Variants in CLVS1 observed in about 807,000 individuals in gnomAD.
CLVS1 encodes clavesin-1.
In CLVS1, 10 loss-of-function variants were observed where a neutral mutation model predicts 33.1. The observed-to-expected ratio is 0.30, with a 90% CI of 0.19 to 0.51. The LOEUF is 0.51. Ranked by LOEUF, CLVS1 falls within the 20% of genes least tolerant of loss-of-function variation. The probability of loss-of-function intolerance (pLI) is 0.97; values close to 1 mark genes in which losing one functional copy is unlikely to be tolerated. For missense variants in CLVS1, 343 were observed against 433.4 expected (o/e 0.79, Z 1.85); for synonymous variants, 163 against 166.1 (o/e 0.98, Z 0.14).
chr8:61,031,400 A>G, the CLVS1 span, among the ~76,000 whole-genome samples: 1 of 152,094 alleles, frequency 6.6e-6, no homozygotes, highest in African/African-American at 2.4e-5. Flanking sequence ...CCCACCCAAG[A>G]GCTAACCTGC....
chr8:61,221,325 A>C (rs945495435), intron 2 of CLVS1, among the ~76,000 whole-genome samples: 4 of 152,218 alleles, frequency 2.6e-5, no homozygotes, highest in African/African-American at 9.6e-5. Flanking sequence ...TGGGTTTGTC[A>C]TAAATAGATC....
At chr8:61,039,995 G>T in the CLVS1 span, among the ~76,000 whole-genome samples, 3 of 152,048 alleles carry the variant, frequency 2.0e-5, no homozygotes, top group African/African-American at 7.2e-5. Flanking sequence ...GACCCTCTCC[G>T]CCTCACTCCT....
At chr8:61,057,109 C>T (rs1223212581), upstream of CLVS1, 2 of 152,098 alleles carry the variant, frequency 1.3e-5, no homozygotes, top group Admixed American at 1.3e-4. Context: ...CACATGACTG[C>T]CTACTAAGAA....
At chr8:61,442,759 C>G (rs192943735) in intron 3 of CLVS1, among the ~76,000 whole-genome samples, 28 of 152,292 alleles carry the variant, frequency 1.8e-4, no homozygotes, top group African/African-American at 5.3e-4. Flanking sequence ...GCCACCACCC[C>G]TGACTAGTTT....
At chr8:60,984,158 C>G in the CLVS1 span, among the ~76,000 whole-genome samples, 7 of 152,236 alleles carry the variant, frequency 4.6e-5, no homozygotes, top group Non-Finnish European at 5.9e-5. Flanking sequence ...CACTTTCTCC[C>G]TAGGATATCT....
At chr8:61,117,527 T>C (rs1407185029) in intron 1 of CLVS1, among the ~76,000 whole-genome samples, 1 of 150,276 alleles carries the variant, frequency 6.7e-6, no homozygotes. Context: ...ATAGCTCTTA[T>C]TATTTTGAAA....
chr8:61,183,202 T>A (rs1458039208), intron 2 of CLVS1, among the ~76,000 whole-genome samples: 1 of 151,902 alleles, frequency 6.6e-6, no homozygotes, highest in Non-Finnish European at 1.5e-5. Flanking sequence ...AAATAGCTAA[T>A]GCATGAGGGG....
At chr8:61,252,606 T>C (rs1023031338) in intron 2 of CLVS1, among the ~76,000 whole-genome samples, 2 of 152,214 alleles carry the variant, frequency 1.3e-5, no homozygotes, top group African/African-American at 2.4e-5. Context: ...TGCTCCTGTA[T>C]TGGGTGCATA....
chr8:61,405,701 G>A (rs535932957), intron 3 of CLVS1, among the ~76,000 whole-genome samples: 7 of 145,414 alleles, frequency 4.8e-5, no homozygotes, highest in Non-Finnish European at 9.0e-5. Context: ...AAGTGGAACT[G>A]ACTTTTTTTT....
chr8:61,366,257 T>A (rs537037798), intron 2 of CLVS1, among the ~76,000 whole-genome samples: 2 of 152,302 alleles, frequency 1.3e-5, no homozygotes, highest in Non-Finnish European at 2.9e-5. Flanking sequence ...TAAAGTGGTG[T>A]TTGAGGACCA....
intron 4 of CLVS1, among the ~76,000 whole-genome samples, chr8:61,456,047 G>A (rs1817143372): frequency 6.6e-6 from 1 of 152,212 alleles, no homozygotes; most frequent in Non-Finnish European, 1.5e-5. Flanking sequence ...TTCTCAACAT[G>A]GCTTCAGGCT....
intron 2 of CLVS1, among the ~76,000 whole-genome samples, chr8:61,153,101 G>T (rs1230470755): frequency 6.6e-6 from 1 of 152,098 alleles, no homozygotes; most frequent in Non-Finnish European, 1.5e-5. Context: ...GGGTAACAGA[G>T]CGAGACCCTG....
chr8:61,259,882 C>T (rs1262275924), intron 2 of CLVS1, among the ~76,000 whole-genome samples: 1 of 152,186 alleles, frequency 6.6e-6, no homozygotes, highest in Non-Finnish European at 1.5e-5. Context: ...GGCCCCAGCT[C>T]CCCCTGCTGC....
chr8:61,258,971 C>A (rs1038011709), intron 2 of CLVS1, among the ~76,000 whole-genome samples: 2 of 151,988 alleles, frequency 1.3e-5, no homozygotes, highest in Non-Finnish European at 2.9e-5. Context: ...CTAATAGATA[C>A]AAAACATTAA....
intron 1 of CLVS1, among the ~76,000 whole-genome samples, chr8:61,088,809 T>C (rs919956772): frequency 3.1e-5 from 4 of 130,940 alleles, no homozygotes; most frequent in South Asian, 2.1e-4. Flanking sequence ...TTTCTTTTTC[T>C]TTTTTTTTTT....
chr8:61,197,198 G>A (rs1383175254), intron 2 of CLVS1, among the ~76,000 whole-genome samples: 1 of 152,086 alleles, frequency 6.6e-6, no homozygotes, highest in Non-Finnish European at 1.5e-5. Context: ...TTTGATTTTT[G>A]TATATGGTGA....
chr8:61,122,656 A>T (rs1231633711), intron 1 of CLVS1, among the ~76,000 whole-genome samples: 1 of 152,070 alleles, frequency 6.6e-6, no homozygotes. Flanking sequence ...AAAAGTGTGA[A>T]GTTAATCATT....
chr8:61,066,514 G>A (rs1008633634), intron 1 of CLVS1, among the ~76,000 whole-genome samples: 2 of 151,946 alleles, frequency 1.3e-5, no homozygotes, highest in Admixed American at 1.3e-4. Context: ...AAAAGAAAAA[G>A]TGCTAGTGTT....
At chr8:61,402,391 A>G (rs1421588818) in intron 3 of CLVS1, among the ~76,000 whole-genome samples, 1 of 152,108 alleles carries the variant, frequency 6.6e-6, no homozygotes, top group Non-Finnish European at 1.5e-5. Context: ...CTCACCCACA[A>G]TCCCCAATAC....
Sources: gnomAD v4.1 joint callset for allele counts (sites outside exome capture counted in the v4.1 genomes callset) on GRCh38, gnomAD v4.1.1 for gene constraint, MANE v1.5 for transcripts, NCBI Gene and HGNC (gene_info 2026-07-23, HGNC 2026-07-21) for gene names.